The following AHSG variants were observed in gnomAD, a reference collection of about 807,000 sequenced individuals.
The protein encoded by AHSG is alpha 2-HS glycoprotein, also known as alpha-2-HS-glycoprotein.
AHSG carries 23 observed loss-of-function variants against 30.1 expected under a neutral mutation model. The observed-to-expected ratio is 0.76, with a 90% CI of 0.55 to 1.08. The LOEUF (loss-of-function observed/expected upper bound fraction) is 1.08, where lower values mean the gene tolerates loss of function less well. Ranked by LOEUF, AHSG falls within the 50% of genes least tolerant of loss-of-function variation. The probability of loss-of-function intolerance (pLI) is 0.00; values close to 1 mark genes in which losing one functional copy is unlikely to be tolerated. For synonymous variants in AHSG, 164 were observed against 186.3 expected, an observed-to-expected ratio of 0.88 and a Z score of 0.98; for missense variants, 469 against 459.5, an observed-to-expected ratio of 1.02 and a Z score of -0.19.
chr3:186,617,252 A>T lies in AHSG; in HGVS notation c.475A>T (p.Arg159Trp). 6.2e-7 allele frequency: 1 copy of T among 1,614,132 alleles called. No homozygotes were observed. Among genetic ancestry groups the T allele is most frequent in the South Asian group, 1.1e-5 (1 of 91,082 alleles). The change falls in exon 4 of 7, where the codon AGG (arginine) becomes TGG (tryptophan). Residue 159 changes from arginine to tryptophan, a missense_variant. Coordinates refer to ENST00000411641, the MANE Select transcript of AHSG (RefSeq NM_001622.4). Reference protein sequence around the residue: ...CPLLAPLNDTRVVHAAKAALA... With the variant: ...CPLLAPLNDTWVVHAAKAALA... ...CCTGCTGGCCCCGCTGAACGACACC[A>T]GGGTGGTGCACGCCGCGAAAGCTGC...
rs771736120 is a variant in AHSG, at chr3:186,613,121, C to A, written c.-21C>A. On this transcript the variant is annotated 5_prime_UTR_variant, in exon 1 of 7. Transcript: ENST00000411641. ...AGCCTCCAACCACCTGCACGCCTGC[C>A]AGGGCCTCTCTGGGGCAGCCATGAA... The A allele has an allele frequency of 1.1e-5, 18 of 1,613,054 alleles. No homozygotes were observed. The highest frequency in any genetic ancestry group is 1.5e-5 in the Non-Finnish European group (18 of 1,179,424).
intron 1 of AHSG, among the ~76,000 whole-genome samples, chr3:186,614,462 C>A (rs1716235402): frequency 6.6e-6 from 1 of 152,324 alleles, no homozygotes; most frequent in Non-Finnish European, 1.5e-5. Flanking sequence ...CCTGGACCGA[C>A]TGACGACTGC....
At chr3:186,619,029 G>T (rs1215719295) in intron 5 of AHSG, among the ~76,000 whole-genome samples, 2 of 152,184 alleles carry the variant, frequency 1.3e-5, no homozygotes, top group East Asian at 3.8e-4. Context: ...AGGCATGATG[G>T]CTCATGCCTG....
At chr3:186,613,401 C>T in intron 1 of AHSG, 47 bp downstream of exon 1, 1 of 1,505,530 alleles carries the variant, frequency 6.6e-7, no homozygotes. Context: ...GTACATGGAG[C>T]TCAATCAGGT....
At position 186,620,537 on chromosome 3, in the gene AHSG, G is replaced by C. The variant is rs1445012329; in HGVS notation, c.760-49G>C. Reference sequence around the variant, plus strand: ...GCCACCTGGGCCTGTGGGTTGTCTTGCCTGGGAGGAGGAAGCAAACTAACT... The same window carrying C: ...GCCACCTGGGCCTGTGGGTTGTCTTCCCTGGGAGGAGGAAGCAAACTAACT... On this transcript the variant is annotated intron_variant, in intron 6 of 6. Transcript: ENST00000411641. 2.1e-5 allele frequency: 32 copies of C among 1,514,642 alleles called. No homozygotes were observed. The Middle Eastern group carries it at 4.2e-3, about 201-fold the overall frequency. 93.8% of individuals were successfully genotyped at this position (1,514,642 alleles called of 1,614,324 possible). A position where few individuals can be genotyped will look rare whatever the true frequency, so the allele number is the denominator to read the frequency against.
In AHSG at chr3:186,617,311, C is replaced by A. The variant is rs781767957; in HGVS notation, c.534C>A (p.Ser178=). Residue 178 remains serine, a synonymous_variant, in exon 4 of 7, where the codon TCC becomes TCA. Coordinates refer to ENST00000411641, the MANE Select transcript of AHSG (RefSeq NM_001622.4). ...CCTTCAACGCTCAGAACAACGGCTC[C>A]AATTTTCAGCTGGAGGAAATTTCCC... ...LAAFNAQNNG[S]NFQLEEISRA... is the part of the protein sequence containing the mutation. The A allele has an allele frequency of 1.2e-6, 2 of 1,614,210 alleles. No homozygotes were observed. The highest frequency in any genetic ancestry group is 1.1e-5 in the South Asian group (1 of 91,086).
intron 5 of AHSG, 110 bp downstream of exon 5, chr3:186,618,747 A>T: frequency 1.1e-5 from 16 of 1,483,920 alleles, no homozygotes; most frequent in Non-Finnish European, 1.4e-5. Flanking sequence ...ATAACAGTGC[A>T]AATCCCCTCT....
intron 4 of AHSG, 82 bp from the exon 5 acceptor site, chr3:186,618,454 G>C (rs930155097): frequency 1.3e-6 from 2 of 1,577,124 alleles, no homozygotes; most frequent in Admixed American, 3.4e-5. Context: ...CTCCCCGAAG[G>C]AGGCTACTTC....
Position 186,617,349 on chromosome 3 carries a change from T to G in AHSG, c.572T>G (p.Val191Gly). 1 of 1,614,162 alleles carries G rather than the reference T, an allele frequency of 6.2e-7. No homozygotes were observed. The highest frequency in any genetic ancestry group is 8.5e-7 in the Non-Finnish European group (1 of 1,180,030). ...QLEEISRAQL[V>G]PLPPSTYVEF... ...GAGGAAATTTCCCGGGCTCAGCTTG[T>G]GGTAAAGACTGAGATTCTTTTGACA... Residue 191 changes from valine (V) to glycine (G), a missense_variant and splice_region_variant, in exon 4 of 7, where the codon GTG becomes GGG. Transcript: ENST00000411641.
chr3:186,620,824 T>G lies in AHSG; in HGVS notation c.998T>G (p.Val333Gly). ...TCATTGGGGTCACCCTCAGGAGAAG[T>G]GTCGCACCCCCGGAAAACACGCACA... is the stretch of plus-strand genomic sequence containing the variant. Reference protein sequence around the residue: ...VVSLGSPSGEVSHPRKTRTVV... With the variant: ...VVSLGSPSGEGSHPRKTRTVV... Residue 333 changes from valine (V) to glycine (G), a missense_variant, in exon 7 of 7, where the codon GTG (valine) becomes GGG (glycine). Physicochemically the swap from Val to Gly is moderately radical, Grantham distance 109. Coordinates refer to ENST00000411641, the MANE Select transcript of AHSG (RefSeq NM_001622.4). The G allele has an allele frequency of 1.2e-6, 2 of 1,614,144 alleles. No homozygotes were observed. Among genetic ancestry groups the G allele is most frequent in the Non-Finnish European group, 1.7e-6 (2 of 1,180,032 alleles).
At position 186,615,774 on chromosome 3, in the gene AHSG, C is replaced by A. The variant is rs141353291; in HGVS notation, c.303C>A (p.Ser101Arg). ...ACCCCACCCCTGTGGCAAGATGCAG[C>A]GTGAGGCAGCTGAAGGAGCATGTGA... ...VLDPTPVARC[S>R]VRQLKEHAVE... The change falls in exon 2 of 7, where the codon AGC becomes AGA. Residue 101 changes from serine to arginine, a missense_variant. Transcript: ENST00000411641. 3.7e-6 allele frequency: 6 copies of A among 1,614,082 alleles called. No homozygotes were observed. Among genetic ancestry groups the A allele is most frequent in the African/African-American group, 2.7e-5 (2 of 74,942 alleles).
chr3:186,620,984 T>C lies in AHSG; in HGVS notation c.*54T>C. The C allele has an allele frequency of 6.5e-7, 1 of 1,548,676 alleles. No individual in the cohort carries two copies. Among genetic ancestry groups the C allele is most frequent in the Non-Finnish European group, 8.8e-7 (1 of 1,138,020 alleles). ...GGCACAGAAAACATAGCCACCATTTTGTCCAAGCCTGGGCATGGGTGGGGG... is the reference window on the plus strand; with the variant it reads ...GGCACAGAAAACATAGCCACCATTTCGTCCAAGCCTGGGCATGGGTGGGGG... On this transcript the variant is annotated 3_prime_UTR_variant, in exon 7 of 7. Transcript: ENST00000411641.
Position 186,613,139 on chromosome 3 carries a change from G to C in AHSG, c.-3G>C. ...CGCCTGCCAGGGCCTCTCTGGGGCA[G>C]CCATGAAGTCCCTCGTCCTGCTCCT... On this transcript the variant is annotated 5_prime_UTR_variant, in exon 1 of 7. Transcript: ENST00000411641. The C allele has an allele frequency of 6.2e-7, 1 of 1,613,984 alleles. No homozygotes were observed. Among genetic ancestry groups the C allele is most frequent in the African/African-American group, 1.3e-5 (1 of 75,016 alleles).
chr3:186,620,809 C>T lies in AHSG; in HGVS notation c.983C>T (p.Ser328Leu), dbSNP rs1163123976. ...HTFMGVVSLG[S>L]PSGEVSHPRK... ...TTCATGGGTGTGGTCTCATTGGGGTCACCCTCAGGAGAAGTGTCGCACCCC... is the reference window on the plus strand; with the variant it reads ...TTCATGGGTGTGGTCTCATTGGGGTTACCCTCAGGAGAAGTGTCGCACCCC... Residue 328 changes from serine (S) to leucine (L), a missense_variant, in exon 7 of 7, where the codon TCA (serine) becomes TTA (leucine). Coordinates refer to ENST00000411641, the MANE Select transcript of AHSG (RefSeq NM_001622.4). 1 of 1,614,198 alleles carries T rather than the reference C, an allele frequency of 6.2e-7. No individual in the cohort carries two copies. Among genetic ancestry groups the T allele is most frequent in the South Asian group, 1.1e-5 (1 of 91,074 alleles).
At chr3:186,619,710 A>G (rs191569401) in intron 5 of AHSG, 147 bp from the exon 6 acceptor site, 7 of 600,884 alleles carry the variant, frequency 1.2e-5, no homozygotes, top group African/African-American at 3.7e-5. Flanking sequence ...TCCATGTTAT[A>G]TATAGAATCA....
chr3:186,620,644 T>G lies in AHSG; in HGVS notation c.818T>G (p.Val273Gly). The G allele has an allele frequency of 1.2e-6, 2 of 1,613,740 alleles. No individual in the cohort carries two copies. Among genetic ancestry groups the G allele is most frequent in the Non-Finnish European group, 1.7e-6 (2 of 1,179,736 alleles). ...GANEAVPTPV[V>G]DPDAPPSPPL... ...AATGAAGCAGTCCCCACACCCGTGG[T>G]GGACCCAGATGCACCTCCGTCCCCT... Residue 273 changes from valine to glycine, a missense_variant, in exon 7 of 7, where the codon GTG (valine) becomes GGG (glycine). Val to Gly is a moderately radical substitution (Grantham distance 109). Transcript: ENST00000411641.
At chr3:186,619,462 A>C (rs1296036281) in intron 5 of AHSG, among the ~76,000 whole-genome samples, 2 of 152,228 alleles carry the variant, frequency 1.3e-5, no homozygotes, top group African/African-American at 4.8e-5. Flanking sequence ...AAAATTGTGC[A>C]GACACTAAAA....
At position 186,620,812 on chromosome 3, in the gene AHSG, C is replaced by T. The variant is rs777759128; in HGVS notation, c.986C>T (p.Pro329Leu). Reference sequence around the variant, plus strand: ...ATGGGTGTGGTCTCATTGGGGTCACCCTCAGGAGAAGTGTCGCACCCCCGG... The same window carrying T: ...ATGGGTGTGGTCTCATTGGGGTCACTCTCAGGAGAAGTGTCGCACCCCCGG... ...TFMGVVSLGS[P>L]SGEVSHPRKT... Residue 329 changes from proline (P) to leucine (L), a missense_variant, in exon 7 of 7, where the codon CCC becomes CTC. Transcript: ENST00000411641. 6.2e-6 allele frequency: 10 copies of T among 1,614,026 alleles called. No individual in the cohort carries two copies. The highest frequency in any genetic ancestry group is 8.5e-6 in the Non-Finnish European group (10 of 1,180,046).
rs1223534182 is a variant in AHSG at position 186,619,941 on chromosome 3, G to A, written c.759+1G>A. 6.2e-7 allele frequency: 1 copy of A among 1,607,848 alleles called. No homozygotes were observed. ...GACCTGCATGGTGTTCCAAACACAGGTAACAGCTCCGTGAATATTCTTGCC... is the reference window on the plus strand; with the variant it reads ...GACCTGCATGGTGTTCCAAACACAGATAACAGCTCCGTGAATATTCTTGCC... On this transcript the variant is annotated splice_donor_variant, in intron 6 of 6. Transcript: ENST00000411641. LOFTEE classifies it high-confidence loss of function.
Sources: gnomAD v4.1 joint callset for allele counts (sites outside exome capture counted in the v4.1 genomes callset) on GRCh38, gnomAD v4.1.1 for gene constraint, MANE v1.5 for transcripts, NCBI Gene and HGNC (gene_info 2026-07-23, HGNC 2026-07-21) for gene names.